The following RPS6KC1 variants were observed in gnomAD, a reference collection of about 807,000 sequenced individuals.
RPS6KC1 encodes inactive ribosomal protein S6 kinase delta-1.
RPS6KC1 carries 54 observed loss-of-function variants against 103.8 expected under a neutral mutation model. That is an observed-to-expected ratio of 0.52 (90% CI 0.42 to 0.65). The LOEUF (loss-of-function observed/expected upper bound fraction) is 0.65, where lower values mean the gene tolerates loss of function less well. RPS6KC1 is among the 30% of genes least tolerant of loss of function. The pLI, the probability that RPS6KC1 is intolerant of heterozygous loss-of-function variation, is 0.00. For missense variants in RPS6KC1, 1,151 were observed against 1,253.8 expected, an observed-to-expected ratio of 0.92 and a Z score of 1.24; for synonymous variants, 439 against 438.7, an observed-to-expected ratio of 1.00 and a Z score of -0.01.
rs536265044 is a variant in RPS6KC1 at position 213,108,425 on chromosome 1, A to G, written c.378+3856A>G. ...ATAATGGCTTATTTCTGGACTGTTGATAGTTCTATTAATCTACGTGCCTGT... is the reference window on the plus strand; with the variant it reads ...ATAATGGCTTATTTCTGGACTGTTGGTAGTTCTATTAATCTACGTGCCTGT... On this transcript the variant is annotated intron_variant, in intron 4 of 14. Transcript: ENST00000366960. Among the ~76,000 whole-genome samples, 9 of 152,254 alleles carry G rather than the reference A, an allele frequency of 5.9e-5. No homozygotes were observed. In the East Asian group the frequency reaches 1.7e-3, roughly 29 times the overall value.
chr1:213,674,434 T>A, the RPS6KC1 span, among the ~76,000 whole-genome samples: 7 of 152,262 alleles, frequency 4.6e-5, no homozygotes, highest in African/African-American at 7.2e-5. Flanking sequence ...GGCCTTAGGA[T>A]AATGACTCCA....
At chr1:213,680,665 G>T in the RPS6KC1 span, among the ~76,000 whole-genome samples, 3,376 of 152,224 alleles carry the variant, frequency 0.022, 132 homozygotes, top group African/African-American at 0.075. Context: ...GGGCTCGGGA[G>T]GGGGAAGGAG....
chr1:213,706,710 G>A, the RPS6KC1 span, among the ~76,000 whole-genome samples: 43 of 151,954 alleles, frequency 2.8e-4, no homozygotes, highest in African/African-American at 6.8e-4. Flanking sequence ...CCCCCCACCC[G>A]TTGACAGGCC....
the RPS6KC1 span, among the ~76,000 whole-genome samples, chr1:213,513,683 T>G: frequency 1.2e-4 from 19 of 152,242 alleles, 1 homozygote; most frequent in African/African-American, 4.6e-4. Context: ...ATGCCTGCCA[T>G]GCACAGCATT....
the RPS6KC1 span, among the ~76,000 whole-genome samples, chr1:213,431,327 T>C: frequency 1.3e-5 from 2 of 152,184 alleles, no homozygotes; most frequent in Non-Finnish European, 2.9e-5. Context: ...ATAACAAGTA[T>C]ACGGAAAAGT....
At chr1:213,598,074 C>T in the RPS6KC1 span, among the ~76,000 whole-genome samples, 3 of 152,106 alleles carry the variant, frequency 2.0e-5, no homozygotes, top group Non-Finnish European at 4.4e-5. Flanking sequence ...AATGTAAATA[C>T]ATAAAAGGAA....
the RPS6KC1 span, among the ~76,000 whole-genome samples, chr1:213,630,402 G>T: frequency 6.6e-6 from 1 of 152,142 alleles, no homozygotes; most frequent in Non-Finnish European, 1.5e-5. Flanking sequence ...TCGTCATGTA[G>T]TTCTTGTGCC....
intron 6 of RPS6KC1, among the ~76,000 whole-genome samples, chr1:213,145,416 C>T (rs2087629382): frequency 6.6e-6 from 1 of 152,036 alleles, no homozygotes; most frequent in African/African-American, 2.4e-5. Context: ...GCCTGATGTC[C>T]AGTGTGTTGT....
chr1:213,759,223 A>AT, the RPS6KC1 span, among the ~76,000 whole-genome samples: 1 of 132,624 alleles, frequency 7.5e-6, no homozygotes, highest in Non-Finnish European at 1.7e-5. Flanking sequence ...GATCATTAGC[A>AT]GTTTTTTTTT....
the RPS6KC1 span, among the ~76,000 whole-genome samples, chr1:213,691,628 G>A: frequency 0.76 from 114,832 of 152,026 alleles, 43,676 homozygotes; most frequent in African/African-American, 0.85. Flanking sequence ...TGGTTGACCT[G>A]GGAGCCCACA....
chr1:213,093,734 T>C (rs1186224767), intron 3 of RPS6KC1, among the ~76,000 whole-genome samples: 2 of 152,238 alleles, frequency 1.3e-5, no homozygotes, highest in African/African-American at 4.8e-5. Context: ...TCTAGTTTTC[T>C]TATTGGTAAG....
chr1:213,832,667 G>A, the RPS6KC1 span: 1 of 151,984 alleles, frequency 6.6e-6, no homozygotes, highest in Non-Finnish European at 1.5e-5. Context: ...AGATGGCCAT[G>A]GCTGAAACAT....
Position 213,272,811 on chromosome 1 carries a change from A to G in RPS6KC1, c.*177A>G, listed in dbSNP as rs920193078. The G allele has an allele frequency of 1.9e-6, 1 of 529,612 alleles. No individual in the cohort carries two copies. Among genetic ancestry groups the G allele is most frequent in the Non-Finnish European group, 3.4e-6 (1 of 290,654 alleles). The allele number at this position is 529,612 out of a possible 1,614,324, so 32.8% of individuals were successfully genotyped here. ...AACAATTCGTTTACAATTACAAGATATTAGCTAATTGTGCCAGGGGCTGTT... is the reference window on the plus strand; with the variant it reads ...AACAATTCGTTTACAATTACAAGATGTTAGCTAATTGTGCCAGGGGCTGTT... On this transcript the variant is annotated 3_prime_UTR_variant, in exon 15 of 15. Coordinates refer to ENST00000366960, the MANE Select transcript of RPS6KC1 (RefSeq NM_012424.6).
chr1:213,096,601 G>A (rs752244436), intron 3 of RPS6KC1, among the ~76,000 whole-genome samples: 3 of 151,906 alleles, frequency 2.0e-5, no homozygotes, highest in African/African-American at 7.3e-5. Flanking sequence ...GGAGGCGGAG[G>A]TTGCAGTGAT....
intron 6 of RPS6KC1, among the ~76,000 whole-genome samples, chr1:213,151,060 AG>A (rs2088723417): frequency 7.8e-6 from 1 of 127,698 alleles, no homozygotes; most frequent in South Asian, 2.7e-4. Flanking sequence ...ACTTCCCAGT[AG>A]GGGCGGCCGG....
the RPS6KC1 span, among the ~76,000 whole-genome samples, chr1:213,506,678 G>A: frequency 1.6e-4 from 25 of 152,330 alleles, no homozygotes; most frequent in South Asian, 4.1e-3. Context: ...GAGATGGAGG[G>A]AGATCTGAAT....
chr1:213,073,387 A>G (rs934768787), intron 2 of RPS6KC1, among the ~76,000 whole-genome samples: 1 of 152,228 alleles, frequency 6.6e-6, no homozygotes, highest in African/African-American at 2.4e-5. Context: ...ATGCCACCAC[A>G]TCAGTGTTTT....
At chr1:213,295,387 G>T in the RPS6KC1 span, among the ~76,000 whole-genome samples, 2 of 152,164 alleles carry the variant, frequency 1.3e-5, no homozygotes, top group African/African-American at 4.8e-5. Context: ...CTAAGATTGG[G>T]ATGTCTTCTT....
the RPS6KC1 span, among the ~76,000 whole-genome samples, chr1:213,283,434 G>A: frequency 6.6e-6 from 1 of 152,142 alleles, no homozygotes; most frequent in African/African-American, 2.4e-5. Flanking sequence ...AGTTGGGGAC[G>A]AAATACCTGC....
Sources: allele counts gnomAD v4.1 joint callset (sites outside exome capture counted in the v4.1 genomes callset), GRCh38; gene constraint gnomAD v4.1.1; transcripts MANE v1.5; gene names NCBI Gene and HGNC (gene_info 2026-07-23, HGNC 2026-07-21).